Variants in EFCAB6 observed in about 807,000 individuals in gnomAD.
EFCAB6 encodes the protein EF-hand calcium-binding domain-containing protein 6.
In EFCAB6, 156 loss-of-function variants were observed where a neutral mutation model predicts 169.8. The ratio of observed to expected loss-of-function variants is 0.92; its 90% CI spans 0.81 to 1.05. The LOEUF (loss-of-function observed/expected upper bound fraction) is 1.05. Among genes scored for constraint, EFCAB6 ranks in the 50% least tolerant of loss-of-function variants. EFCAB6 has a pLI of 0.00. For synonymous variants in EFCAB6, 698 were observed against 676.4 expected, an observed-to-expected ratio of 1.03 and a Z score of -0.50; for missense variants, 1,800 against 1,829.1, an observed-to-expected ratio of 0.98 and a Z score of 0.29.
chr22:43,783,062 T>C (rs914812683), intron 2 of EFCAB6, among the ~76,000 whole-genome samples: 1 of 152,084 alleles, frequency 6.6e-6, no homozygotes, highest in Non-Finnish European at 1.5e-5. Flanking sequence ...TGTCAAAGCC[T>C]CCTTACCCGG....
intron 20 of EFCAB6, among the ~76,000 whole-genome samples, chr22:43,618,206 GAAAGAAAGAAAGAAA>G (rs1569257300): frequency 2.1e-5 from 3 of 142,150 alleles, no homozygotes; most frequent in Non-Finnish European, 3.2e-5. Context: ...AAGAAAGAAA[GAAAGAAAGAAAGAAA>G]GAGAAAGAAA....
rs539771459 is a variant in EFCAB6 at position 43,602,761 on chromosome 22, C to T, written c.2682-2498G>A. Among the ~76,000 whole-genome samples, 12 of 152,216 alleles carry T rather than the reference C, an allele frequency of 7.9e-5. No homozygotes were observed. In the East Asian group the frequency reaches 2.3e-3, roughly 29 times the overall value. On this transcript the variant is annotated intron_variant, in intron 22 of 31. Transcript: ENST00000262726. ...CCTCTTTTGGAAACCTCTCTCTCCT[C>T]CTAAGTCAAAAGAACCACAACCGTG...
At chr22:43,667,384 C>G (rs923250290) in intron 16 of EFCAB6, 112 bp from the exon 17 acceptor site, 1 of 1,321,760 alleles carries the variant, frequency 7.6e-7, no homozygotes, top group Non-Finnish European at 1.0e-6. Flanking sequence ...GTTTCCCATC[C>G]TCGGTTCACT....
chr22:43,597,593 T>C (rs1569221655), intron 23 of EFCAB6, among the ~76,000 whole-genome samples: 1 of 152,090 alleles, frequency 6.6e-6, no homozygotes, highest in Non-Finnish European at 1.5e-5. Flanking sequence ...AGACAAAATA[T>C]AAATGCTGGT....
In EFCAB6 at chr22:43,604,567, T is replaced by G. The variant is rs576319565; in HGVS notation, c.2681+3915A>C. On this transcript the variant is annotated intron_variant, in intron 22 of 31. Coordinates refer to ENST00000262726, the MANE Select transcript of EFCAB6 (RefSeq NM_022785.4). ...CTAATGATCTTGTTCACTCAACCTT[T>G]TAAAACCCTTTCCCATCTTGAGGCT... Among the ~76,000 whole-genome samples, 3 of 152,276 alleles carry G rather than the reference T, an allele frequency of 2.0e-5. No homozygotes were observed. In the South Asian group the frequency reaches 6.2e-4, roughly 32 times the overall value.
At chr22:43,610,154 T>A (rs1373652599) in intron 21 of EFCAB6, among the ~76,000 whole-genome samples, 1 of 152,220 alleles carries the variant, frequency 6.6e-6, no homozygotes, top group Non-Finnish European at 1.5e-5. Flanking sequence ...TACAGAGAGA[T>A]GTTAGTAAAT....
At chr22:43,599,290 G>A (rs553538758) in intron 23 of EFCAB6, among the ~76,000 whole-genome samples, 4 of 151,906 alleles carry the variant, frequency 2.6e-5, no homozygotes, top group Middle Eastern at 3.4e-3. Flanking sequence ...CAGGTGGATC[G>A]CTTGAGGTCA....
At chr22:43,773,801 C>T (rs531435006) in intron 3 of EFCAB6, among the ~76,000 whole-genome samples, 15 of 152,282 alleles carry the variant, frequency 9.9e-5, no homozygotes, top group African/African-American at 2.6e-4. Flanking sequence ...GAGCTGGCAT[C>T]GTGCCATTGC....
chr22:43,724,869 C>T (rs75623862), intron 8 of EFCAB6, among the ~76,000 whole-genome samples: 1,914 of 152,336 alleles, frequency 0.013, 21 homozygotes, highest in Middle Eastern at 0.031. Context: ...TCCAAAGTTG[C>T]TTCCACATTT....
chr22:43,707,379 T>TCA (rs1295115018), intron 10 of EFCAB6, among the ~76,000 whole-genome samples: 5 of 152,034 alleles, frequency 3.3e-5, no homozygotes, highest in African/African-American at 1.2e-4. Context: ...ATTCAAAGAA[T>TCA]CATAGCTGGG....
chr22:43,581,806 G>A (rs1032656178), intron 24 of EFCAB6, among the ~76,000 whole-genome samples: 4 of 152,178 alleles, frequency 2.6e-5, no homozygotes, highest in South Asian at 2.1e-4. Flanking sequence ...GCTCTGCGTC[G>A]GGTCGGCTTG....
At chr22:43,647,648 G>A (rs749616379) in intron 17 of EFCAB6, among the ~76,000 whole-genome samples, 12 of 152,202 alleles carry the variant, frequency 7.9e-5, no homozygotes, top group African/African-American at 2.2e-4. Flanking sequence ...AGATGAAGTC[G>A]TGCTGGATGA....
intron 3 of EFCAB6, among the ~76,000 whole-genome samples, chr22:43,781,211 G>A (rs1391250453): frequency 6.6e-6 from 1 of 152,274 alleles, no homozygotes; most frequent in East Asian, 1.9e-4. Context: ...TTTTAAAACT[G>A]GTAAGAACTC....
chr22:43,630,777 C>T (rs1254718350), intron 19 of EFCAB6, among the ~76,000 whole-genome samples: 1 of 152,244 alleles, frequency 6.6e-6, no homozygotes, highest in African/African-American at 2.4e-5. Flanking sequence ...TGACCCCTGC[C>T]TCCTCCACGC....
At position 43,572,008 on chromosome 22, in the gene EFCAB6, A is replaced by T. The variant is rs1035700162; in HGVS notation, c.3420+4289T>A. On this transcript the variant is annotated intron_variant, in intron 26 of 31. Transcript: ENST00000262726. The surrounding 1 kb of genome is among the most constrained non-coding windows in gnomAD (Gnocchi z 4.0). Reference sequence around the variant, plus strand: ...TAGGCCAATTTAGGGGGTTGATCCCATTGAATTCCCAGAAAACAGATCGCA... The same window carrying T: ...TAGGCCAATTTAGGGGGTTGATCCCTTTGAATTCCCAGAAAACAGATCGCA... 6.6e-6 allele frequency among the ~76,000 whole-genome samples: 1 copy of T among 152,188 alleles called. No individual in the cohort carries two copies.
chr22:43,766,610 G>A (rs1171478821), intron 4 of EFCAB6, among the ~76,000 whole-genome samples: 3 of 151,866 alleles, frequency 2.0e-5, no homozygotes, highest in African/African-American at 7.3e-5. Context: ...TGCCTCCCGG[G>A]TTCAAGCAAT....
At chr22:43,789,846 T>C (rs140221940) in intron 2 of EFCAB6, among the ~76,000 whole-genome samples, 5 of 90,716 alleles carry the variant, frequency 5.5e-5, no homozygotes, top group Admixed American at 1.0e-4. Flanking sequence ...TTGGCTAACC[T>C]TCACACACAC....
chr22:43,733,253 T>C (rs2060017701), intron 7 of EFCAB6, among the ~76,000 whole-genome samples: 1 of 152,330 alleles, frequency 6.6e-6, no homozygotes, highest in East Asian at 1.9e-4. Flanking sequence ...GAGAAGGGTA[T>C]GACTCCAATC....
intron 13 of EFCAB6, among the ~76,000 whole-genome samples, chr22:43,674,939 C>T (rs2057658427): frequency 6.6e-6 from 1 of 151,972 alleles, no homozygotes; most frequent in Admixed American, 6.6e-5. Context: ...CTCTGAAGCA[C>T]TGGCAGTAAA....
Sources: gnomAD v4.1 joint callset for allele counts (sites outside exome capture counted in the v4.1 genomes callset) on GRCh38, gnomAD v4.1.1 for gene constraint, Gnocchi (gnomAD v3.1) non-coding constraint, MANE v1.5 for transcripts, NCBI Gene and HGNC (gene_info 2026-07-23, HGNC 2026-07-21) for gene names.